STRN: variants seen among roughly 807,000 people sequenced by gnomAD.
STRN encodes striatin.
In STRN, 53 loss-of-function variants were observed where a neutral mutation model predicts 96.3. The observed-to-expected ratio is 0.55, with a 90% CI of 0.44 to 0.69. The LOEUF (loss-of-function observed/expected upper bound fraction) is 0.69. Among genes scored for constraint, STRN ranks in the 30% least tolerant of loss-of-function variants. The pLI, the probability that STRN is intolerant of heterozygous loss-of-function variation, is 0.00. For synonymous variants in STRN, 428 were observed against 355.9 expected (o/e 1.20, Z -2.28); for missense variants, 987 against 963.9 (o/e 1.02, Z -0.32).
chr2:36,918,435 A>G (rs951088000), intron 2 of STRN, among the ~76,000 whole-genome samples: 3 of 152,000 alleles, frequency 2.0e-5, no homozygotes, highest in African/African-American at 4.8e-5. Flanking sequence ...AGTAGCAATA[A>G]AATGTTATGG....
At chr2:36,940,401 C>G (rs1391665122) in intron 1 of STRN, among the ~76,000 whole-genome samples, 3 of 152,088 alleles carry the variant, frequency 2.0e-5, no homozygotes, top group Non-Finnish European at 4.4e-5. Context: ...CGGAAAACTG[C>G]AGAGTCTAAT....
At chr2:36,889,867 G>C (rs190011758) in intron 7 of STRN, among the ~76,000 whole-genome samples, 1 of 152,216 alleles carries the variant, frequency 6.6e-6, no homozygotes, top group Admixed American at 6.5e-5. Context: ...ACTAAAGAAG[G>C]AGACAACTCA....
At chr2:36,957,346 G>GGGAGGC (rs767790887) in intron 1 of STRN, among the ~76,000 whole-genome samples, 1 of 152,184 alleles carries the variant, frequency 6.6e-6, no homozygotes, top group African/African-American at 2.4e-5. Context: ...CCAGCACTTT[G>GGGAGGC]GGAGGCGGAG....
intron 4 of STRN, among the ~76,000 whole-genome samples, chr2:36,903,867 G>A (rs1450373334): frequency 3.3e-5 from 5 of 152,150 alleles, no homozygotes; most frequent in African/African-American, 9.7e-5. Context: ...CTTTAAAGAT[G>A]TTATATTTTT....
intron 13 of STRN, among the ~76,000 whole-genome samples, chr2:36,860,195 C>T (rs546208657): frequency 2.0e-5 from 3 of 152,066 alleles, no homozygotes; most frequent in South Asian, 2.1e-4. Flanking sequence ...AGAATGCAGT[C>T]GCAAAGAGAC....
chr2:36,936,285 T>C (rs1414234599), intron 1 of STRN, among the ~76,000 whole-genome samples: 1 of 152,196 alleles, frequency 6.6e-6, no homozygotes, highest in East Asian at 1.9e-4. Context: ...ATTACTGTAG[T>C]AACAATAAAA....
At chr2:36,896,194 A>G (rs1669536263) in intron 6 of STRN, among the ~76,000 whole-genome samples, 1 of 152,196 alleles carries the variant, frequency 6.6e-6, no homozygotes, top group Non-Finnish European at 1.5e-5. Context: ...AAGTATGAAT[A>G]TATTTTCAAC....
intron 6 of STRN, among the ~76,000 whole-genome samples, chr2:36,896,744 G>C (rs1373965339): frequency 6.6e-6 from 1 of 152,162 alleles, no homozygotes; most frequent in Non-Finnish European, 1.5e-5. Flanking sequence ...TCCTGAATGT[G>C]GAGACTAAAT....
intron 1 of STRN, among the ~76,000 whole-genome samples, chr2:36,962,494 T>TC (rs1572704727): frequency 6.6e-6 from 1 of 152,030 alleles, no homozygotes; most frequent in African/African-American, 2.4e-5. Context: ...CCTGCTATTC[T>TC]CCCCATTCAC....
intron 1 of STRN, among the ~76,000 whole-genome samples, chr2:36,961,416 C>T: frequency 6.6e-6 from 1 of 152,100 alleles, no homozygotes; most frequent in Non-Finnish European, 1.5e-5. Flanking sequence ...TTTTGAGCCA[C>T]TGCACCTGGC....
intron 10 of STRN, among the ~76,000 whole-genome samples, chr2:36,871,608 G>A (rs546144738): frequency 2.6e-5 from 4 of 152,032 alleles, no homozygotes; most frequent in African/African-American, 9.7e-5. Flanking sequence ...ATTTACAAAA[G>A]ACAAAAATAC....
intron 1 of STRN, among the ~76,000 whole-genome samples, chr2:36,930,957 T>C (rs1670558112): frequency 6.6e-6 from 1 of 151,736 alleles, no homozygotes; most frequent in Non-Finnish European, 1.5e-5. Flanking sequence ...TGCTTGAACC[T>C]GAGAGGTAGA....
At chr2:36,886,057 A>G (rs1669219422) in intron 8 of STRN, among the ~76,000 whole-genome samples, 1 of 152,156 alleles carries the variant, frequency 6.6e-6, no homozygotes, top group Non-Finnish European at 1.5e-5. Flanking sequence ...AATTAAACAT[A>G]TATGATTCAC....
At chr2:36,892,094 C>T (rs2691117) in intron 7 of STRN, among the ~76,000 whole-genome samples, 145,209 of 152,334 alleles carry the variant, frequency 0.95, 69,585 homozygotes, top group East Asian at 1. Context: ...CCCAGTCTTA[C>T]AGGCTGTGTT....
At chr2:36,947,246 G>T (rs1005875784) in intron 1 of STRN, among the ~76,000 whole-genome samples, 2 of 151,972 alleles carry the variant, frequency 1.3e-5, no homozygotes, top group Non-Finnish European at 2.9e-5. Flanking sequence ...TAACTAGGAA[G>T]GACAAGTTTT....
chr2:36,857,861 G>C lies in STRN; in HGVS notation c.1832C>G (p.Thr611Ser). 1 of 1,613,116 alleles carries C rather than the reference G, an allele frequency of 6.2e-7. No individual in the cohort carries two copies. The highest frequency in any genetic ancestry group is 8.5e-7 in the Non-Finnish European group (1 of 1,179,408). Residue 611 changes from threonine to serine, a missense_variant, in exon 14 of 18, where the codon ACT becomes AGT. Thr to Ser is a moderately conservative substitution (Grantham distance 58). Coordinates refer to ENST00000263918, the MANE Select transcript of STRN (RefSeq NM_003162.4). ...VAPALSVFND[T>S]KELGIPASVD... The stretch of plus-strand genomic sequence containing the variant: ...TAATTTTTTAAAGTATGTACCTTTA[G>C]TATCATTAAATACACTTAGTGCTGG...
In STRN at chr2:36,846,366, A is replaced by G. The variant is rs71437564; in HGVS notation, c.*3090T>C. 3.0e-5 allele frequency: 4 copies of G among 134,750 alleles called. No individual in the cohort carries two copies. The highest frequency in any genetic ancestry group is 6.2e-5 in the Non-Finnish European group (4 of 64,132). 8.3% of individuals were successfully genotyped at this position (134,750 alleles called of 1,614,324 possible). A position where few individuals can be genotyped will look rare whatever the true frequency, so the allele number is the denominator to read the frequency against. Reference sequence around the variant, plus strand: ...CTACCTCCAAAAATGAAAATACAAAACAGTAAAATGCACCTATGGTTTATA... The same window carrying G: ...CTACCTCCAAAAATGAAAATACAAAGCAGTAAAATGCACCTATGGTTTATA... On this transcript the variant is annotated 3_prime_UTR_variant, in exon 18 of 18. Coordinates refer to ENST00000263918, the MANE Select transcript of STRN (RefSeq NM_003162.4).
At chr2:36,894,769 T>C (rs1336293588) in intron 6 of STRN, among the ~76,000 whole-genome samples, 1 of 152,166 alleles carries the variant, frequency 6.6e-6, no homozygotes, top group Non-Finnish European at 1.5e-5. Context: ...GGCTTAAAAT[T>C]ATAAAAGTTT....
intron 2 of STRN, among the ~76,000 whole-genome samples, chr2:36,917,467 T>C (rs1228292549): frequency 6.9e-6 from 1 of 145,834 alleles, no homozygotes; most frequent in African/African-American, 2.6e-5. Context: ...TTGCAGTGAG[T>C]GAGCCAAGAT....
Sources: allele counts gnomAD v4.1 joint callset (sites outside exome capture counted in the v4.1 genomes callset), GRCh38; gene constraint gnomAD v4.1.1; transcripts MANE v1.5; gene names NCBI Gene and HGNC (gene_info 2026-07-23, HGNC 2026-07-21).